SATB2: variants seen among roughly 807,000 people sequenced by gnomAD.
The protein encoded by SATB2 is DNA-binding protein SATB2.
A neutral mutation model predicts 73.4 loss-of-function variants in SATB2; 1 was observed. The ratio of observed to expected loss-of-function variants is 0.01; its 90% CI spans 0.00 to 0.06. The LOEUF (loss-of-function observed/expected upper bound fraction) is 0.06, where lower values mean the gene tolerates loss of function less well. SATB2 is among the 10% of genes least tolerant of loss of function. The pLI is 1.00. For synonymous variants in SATB2, 397 were observed against 367.0 expected, an observed-to-expected ratio of 1.08 and a Z score of -0.93; for missense variants, 459 against 945.8, an observed-to-expected ratio of 0.49 and a Z score of 6.75.
At chr2:199,440,646 A>G (rs1301324902) in intron 2 of SATB2, among the ~76,000 whole-genome samples, 1 of 152,076 alleles carries the variant, frequency 6.6e-6, no homozygotes, top group African/African-American at 2.4e-5. Flanking sequence ...CCAGTTTTCA[A>G]CGCTCCTCCC....
At chr2:199,461,296 C>T (rs1220701033), upstream of SATB2, among the ~76,000 whole-genome samples, 1 of 152,082 alleles carries the variant, frequency 6.6e-6, no homozygotes, top group African/African-American at 2.4e-5. Flanking sequence ...GACCTTATTT[C>T]AACTGAAGCG....
chr2:199,436,255 G>A (rs1691647903), intron 2 of SATB2, among the ~76,000 whole-genome samples: 1 of 152,068 alleles, frequency 6.6e-6, no homozygotes, highest in African/African-American at 2.4e-5. Context: ...AATATAACAT[G>A]AAAGCACAGG....
In SATB2 at chr2:199,464,605, A is replaced by C. The variant is rs1692555477; in HGVS notation, c.-141+231T>G. Among the ~76,000 whole-genome samples the C allele has an allele frequency of 6.6e-6, 1 of 152,054 alleles. No homozygotes were observed. Among genetic ancestry groups the C allele is most frequent in the Admixed American group, 6.5e-5 (1 of 15,278 alleles). On this transcript the variant is annotated intron_variant, in intron 1 of 11. Transcript: ENST00000260926. This position sits in a 1 kb window ranked among gnomAD's most constrained non-coding sequence, Gnocchi z 6.6. ...GCGCCCGACTCACGGCGCGAACACC[A>C]GCGCTCCGGCCGGGTCGCAGGGGCC...
chr2:199,421,401 C>T (rs1441819449), intron 3 of SATB2, among the ~76,000 whole-genome samples: 1 of 152,118 alleles, frequency 6.6e-6, no homozygotes. Flanking sequence ...CGACAAATTC[C>T]CTACCTCCAA....
At chr2:199,398,952 T>C (rs1307183657) in intron 3 of SATB2, among the ~76,000 whole-genome samples, 1 of 152,182 alleles carries the variant, frequency 6.6e-6, no homozygotes, top group Non-Finnish European at 1.5e-5. Flanking sequence ...ACAGCCAATC[T>C]TTGAACTTCT....
chr2:199,281,882 CTTT>C (rs10718338), intron 10 of SATB2, among the ~76,000 whole-genome samples: 55 of 124,028 alleles, frequency 4.4e-4, no homozygotes, highest in Non-Finnish European at 5.1e-4. Flanking sequence ...TATTCTCTCT[CTTT>C]TTTTTTTTTT....
chr2:199,305,400 T>C (rs891565151), intron 10 of SATB2, among the ~76,000 whole-genome samples: 1 of 152,140 alleles, frequency 6.6e-6, no homozygotes, highest in Non-Finnish European at 1.5e-5. Flanking sequence ...TAATGGGTAC[T>C]AGGCTTAATG....
intron 3 of SATB2, among the ~76,000 whole-genome samples, chr2:199,405,359 G>A (rs2105896877): frequency 6.6e-6 from 1 of 152,250 alleles, no homozygotes; most frequent in Admixed American, 6.5e-5. Context: ...GGGGACATGA[G>A]ACTCCCCCAT....
intron 3 of SATB2, among the ~76,000 whole-genome samples, chr2:199,386,742 A>G (rs1689971124): frequency 6.6e-6 from 1 of 151,374 alleles, no homozygotes; most frequent in African/African-American, 2.4e-5. Flanking sequence ...ACACACACAC[A>G]CACACACACA....
rs188505342 is a variant in SATB2 at position 199,289,137 on chromosome 2, C to T, written c.1741-16465G>A. 3.9e-5 allele frequency among the ~76,000 whole-genome samples: 6 copies of T among 152,314 alleles called. No individual in the cohort carries two copies. In the East Asian group the frequency reaches 1.2e-3, roughly 29 times the overall value. ...GGGTAGGCTTTTCCATTCTAAACCA[C>T]TTTTAATTCATTATGGGAATATTGG... is the stretch of plus-strand genomic sequence containing the variant. On this transcript the variant is annotated intron_variant, in intron 10 of 10. Coordinates refer to ENST00000417098, the MANE Select transcript of SATB2 (RefSeq NM_001172509.2).
chr2:199,423,300 C>T (rs995220620), intron 3 of SATB2, among the ~76,000 whole-genome samples: 1 of 152,004 alleles, frequency 6.6e-6, no homozygotes, highest in East Asian at 1.9e-4. Flanking sequence ...ACACCTAGAA[C>T]AACATCTAAC....
At chr2:199,313,458 G>C (rs921285513) in intron 9 of SATB2, among the ~76,000 whole-genome samples, 1 of 152,010 alleles carries the variant, frequency 6.6e-6, no homozygotes, top group Non-Finnish European at 1.5e-5. Flanking sequence ...CAAGCATTAG[G>C]GTGCATAAGC....
chr2:199,347,794 G>A (rs1032000684), intron 7 of SATB2: 5 of 152,024 alleles, frequency 3.3e-5, no homozygotes, highest in Non-Finnish European at 7.4e-5. Flanking sequence ...CCACTAGATC[G>A]TTAGCTCCCC....
At chr2:199,471,234 C>T (rs1692700019) in exon 1 of SATB2, 1 of 152,364 alleles carries the variant, frequency 6.6e-6, no homozygotes, top group South Asian at 2.1e-4. Flanking sequence ...CTCCTGAGAT[C>T]AGCCCTAATC....
At chr2:199,389,891 A>G (rs1186581826) in intron 3 of SATB2, among the ~76,000 whole-genome samples, 4 of 152,104 alleles carry the variant, frequency 2.6e-5, no homozygotes, top group Non-Finnish European at 4.4e-5. Flanking sequence ...GAAACATTCT[A>G]TTTTAGAAAT....
chr2:199,323,863 C>T lies in SATB2; in HGVS notation c.1482G>A (p.Glu494=), dbSNP rs1476058933. ...CTTGAGACACCTTGGCCCTTTTCAT[C>T]TCCTGTTGGATCTCGTCATAAATGG... The part of the protein sequence containing the change: ...TAAIYDEIQQ[E]MKRAKVSQAL... Residue 494 remains glutamate, a synonymous_variant, in exon 9 of 11, where the codon GAG becomes GAA. Coordinates refer to ENST00000417098, the MANE Select transcript of SATB2 (RefSeq NM_001172509.2). 2 of 1,613,426 alleles carry T rather than the reference C, an allele frequency of 1.2e-6. No individual in the cohort carries two copies. The highest frequency in any genetic ancestry group is 1.7e-5 in the Admixed American group (1 of 59,944).
At chr2:199,441,628 G>C (rs1691818384) in intron 2 of SATB2, among the ~76,000 whole-genome samples, 1 of 152,150 alleles carries the variant, frequency 6.6e-6, no homozygotes, top group Non-Finnish European at 1.5e-5. Context: ...ATGAGGATGG[G>C]AGAGTGGACG....
chr2:199,461,118 G>A (rs1315640474), upstream of SATB2, among the ~76,000 whole-genome samples: 1 of 152,334 alleles, frequency 6.6e-6, no homozygotes, highest in Non-Finnish European at 1.5e-5. Flanking sequence ...TGTTTGTAGA[G>A]TTGTATTTCA....
At chr2:199,347,124 G>T (rs1401406937) in intron 7 of SATB2, 1 of 152,070 alleles carries the variant, frequency 6.6e-6, no homozygotes, top group African/African-American at 2.4e-5. Context: ...CGCCCACCTT[G>T]GCCTCCCAAA....
Sources: allele counts gnomAD v4.1 joint callset (sites outside exome capture counted in the v4.1 genomes callset), GRCh38; gene constraint gnomAD v4.1.1; non-coding constraint Gnocchi (gnomAD v3.1); transcripts MANE v1.5; gene names NCBI Gene and HGNC (gene_info 2026-07-23, HGNC 2026-07-21).